The following FAM124A variants were observed in gnomAD, a reference collection of about 807,000 sequenced individuals.
The protein encoded by FAM124A is family with sequence similarity 124 member A.
Under a neutral mutation model 24.5 loss-of-function variants are expected in FAM124A, and 23 were observed. The ratio of observed to expected loss-of-function variants is 0.94; its 90% confidence interval spans 0.68 to 1.33. FAM124A has a LOEUF of 1.33. FAM124A is among the 40% of genes most tolerant of loss of function. The probability of loss-of-function intolerance (pLI) is 0.00; values close to 1 mark genes in which losing one functional copy is unlikely to be tolerated. For synonymous variants in FAM124A, 287 were observed against 314.7 expected (o/e 0.91, Z 0.93); for missense variants, 623 against 722.8 (o/e 0.86, Z 1.58).
Position 51,251,568 on chromosome 13 carries a change from C to A in FAM124A, c.201C>A (p.Asn67Lys). 1 of 1,539,190 alleles carries A rather than the reference C, an allele frequency of 6.5e-7. No homozygotes were observed. The highest frequency in any genetic ancestry group is 8.8e-7 in the Non-Finnish European group (1 of 1,141,466). ...ESQPLQEAID[N>K]VLAWIHPDLP... ...AGCCCCTGCAGGAGGCCATCGACAACGTCCTGGCGTGGATCCACCCCGACC... is the reference window on the plus strand; with the variant it reads ...AGCCCCTGCAGGAGGCCATCGACAAAGTCCTGGCGTGGATCCACCCCGACC... Residue 67 changes from asparagine to lysine, a missense_variant, in exon 3 of 4, where the codon AAC (asparagine) becomes AAA (lysine). By Grantham distance (94) the Asn-to-Lys change is moderately conservative. Transcript: ENST00000322475. This position sits in a 1 kb window ranked among gnomAD's most constrained non-coding sequence, Gnocchi z 5.3.
intron 3 of FAM124A, among the ~76,000 whole-genome samples, chr13:51,268,604 A>C (rs1176785588): frequency 6.6e-6 from 1 of 152,166 alleles, no homozygotes; most frequent in East Asian, 1.9e-4. Flanking sequence ...AACAGGTGCA[A>C]CTGGGACCTC....
In FAM124A at chr13:51,280,665, C is replaced by G. The variant is rs1297124053; in HGVS notation, c.1050C>G (p.Thr350=). The G allele has an allele frequency of 1.4e-5, 22 of 1,614,020 alleles. No homozygotes were observed. Among genetic ancestry groups the G allele is most frequent in the Non-Finnish European group, 1.8e-5 (21 of 1,180,040 alleles). Residue 350 remains threonine (T), a synonymous_variant, in exon 4 of 4, where the codon ACC becomes ACG. Coordinates refer to ENST00000322475, the MANE Select transcript of FAM124A (RefSeq NM_001242312.2). The part of the protein sequence containing the change: ...QQEFAGRANS[T]PNPPWSFQRS... ...AATTTGCCGGACGAGCCAACAGCAC[C>G]CCCAACCCTCCCTGGTCTTTCCAGA...
chr13:51,241,989 T>C (rs1954500939), intron 2 of FAM124A, among the ~76,000 whole-genome samples: 1 of 152,218 alleles, frequency 6.6e-6, no homozygotes, highest in Non-Finnish European at 1.5e-5. Flanking sequence ...TTGTAAGGAT[T>C]CCTCCCACGA....
intron 1 of FAM124A, 42 bp from the exon 2 acceptor site, chr13:51,231,306 T>C (rs775184620): frequency 3.1e-6 from 5 of 1,612,334 alleles, no homozygotes; most frequent in Non-Finnish European, 4.2e-6. Flanking sequence ...AATAAATCAT[T>C]TGGATAAAGA....
chr13:51,249,034 G>C (rs1034980913), intron 2 of FAM124A, among the ~76,000 whole-genome samples: 7 of 152,158 alleles, frequency 4.6e-5, no homozygotes, highest in African/African-American at 1.7e-4. Flanking sequence ...ATACAGCTTG[G>C]TTCTAATCCA....
In FAM124A at chr13:51,258,186, T is replaced by C. The variant is rs1013267678; in HGVS notation, c.834+5985T>C. On this transcript the variant is annotated intron_variant, in intron 3 of 3. Transcript: ENST00000322475. The surrounding 1 kb of genome is among the most constrained non-coding windows in gnomAD (Gnocchi z 4.2). ...TTTCCCTTTATGTAAGGACACCAGT[T>C]CTATTGTATTAGGGGCTCACCTTTC... is the stretch of plus-strand genomic sequence containing the variant. Among the ~76,000 whole-genome samples the C allele has an allele frequency of 6.6e-6, 1 of 152,220 alleles. No individual in the cohort carries two copies.
intron 1 of FAM124A, among the ~76,000 whole-genome samples, chr13:51,228,129 T>A (rs1240780397): frequency 6.6e-6 from 1 of 152,192 alleles, no homozygotes; most frequent in Non-Finnish European, 1.5e-5. Context: ...AACATCAAGA[T>A]CAATTTTACA....
At chr13:51,269,549 A>C (rs1235876863) in intron 3 of FAM124A, among the ~76,000 whole-genome samples, 2 of 152,230 alleles carry the variant, frequency 1.3e-5, no homozygotes, top group Non-Finnish European at 2.9e-5. Flanking sequence ...AGAGTTACTT[A>C]AGTACTTTAA....
chr13:51,282,286 T>C lies in FAM124A; in HGVS notation c.*1030T>C, dbSNP rs1262140804. 1.3e-5 allele frequency: 2 copies of C among 152,244 alleles called. No individual in the cohort carries two copies. The highest frequency in any genetic ancestry group is 2.4e-5 in the African/African-American group (1 of 41,454). 9.4% of individuals were successfully genotyped at this position (152,244 alleles called of 1,614,324 possible). On this transcript the variant is annotated 3_prime_UTR_variant, in exon 4 of 4. Transcript: ENST00000322475. ...GCATTTTGATCACACAGATTAATAA[T>C]GCTGTTCTCCCCAAAACGGGAAACT...
In FAM124A at chr13:51,264,713, A is replaced by G. The variant is rs373353000; in HGVS notation, c.834+12512A>G. 6.6e-5 allele frequency among the ~76,000 whole-genome samples: 10 copies of G among 152,092 alleles called. No individual in the cohort carries two copies. In the East Asian group the frequency reaches 1.7e-3, roughly 26 times the overall value. On this transcript the variant is annotated intron_variant, in intron 3 of 3. Transcript: ENST00000322475. ...ATTTATTTATTTGAAATTCTAGTTTATGGATTTTATGGATTCATAATAGCT... is the reference window on the plus strand; with the variant it reads ...ATTTATTTATTTGAAATTCTAGTTTGTGGATTTTATGGATTCATAATAGCT...
At chr13:51,226,768 G>A (rs1954319705) in intron 1 of FAM124A, among the ~76,000 whole-genome samples, 2 of 152,194 alleles carry the variant, frequency 1.3e-5, no homozygotes, top group African/African-American at 4.8e-5. Flanking sequence ...CCCACTGCCA[G>A]TGGCCATGTT....
intron 2 of FAM124A, among the ~76,000 whole-genome samples, chr13:51,232,461 T>C (rs1233031171): frequency 2.0e-5 from 3 of 152,246 alleles, no homozygotes; most frequent in Admixed American, 1.3e-4. Flanking sequence ...TTATTCTATT[T>C]ATTGATGTTC....
chr13:51,253,769 C>A (rs1347632243), intron 3 of FAM124A, among the ~76,000 whole-genome samples: 1 of 152,148 alleles, frequency 6.6e-6, no homozygotes, highest in Non-Finnish European at 1.5e-5. Flanking sequence ...CAAGGAAGAT[C>A]CACATATTTA....
Position 51,281,587 on chromosome 13 carries a change from C to A in FAM124A, c.*331C>A, listed in dbSNP as rs188118624. ...TGAAATGAAAAGAAAACCTAGTCAG[C>A]CAGAACCAATTTGGCAATTTTTCCA... is the stretch of plus-strand genomic sequence containing the variant. On this transcript the variant is annotated 3_prime_UTR_variant, in exon 4 of 4. Coordinates refer to ENST00000322475, the MANE Select transcript of FAM124A (RefSeq NM_001242312.2). 2.5e-4 allele frequency: 49 copies of A among 194,212 alleles called. No individual in the cohort carries two copies. The highest frequency in any genetic ancestry group is 1.1e-3 in the African/African-American group (49 of 42,896). The allele number at this position is 194,212 out of a possible 1,614,324, so 12.0% of individuals were successfully genotyped here.
rs1954955494 is a variant in FAM124A, at chr13:51,283,067, G to C, written c.*1811G>C. On this transcript the variant is annotated 3_prime_UTR_variant, in exon 4 of 4. Transcript: ENST00000322475. The stretch of plus-strand genomic sequence containing the variant: ...TTTATTTTTTTTTTATTTGAGACGG[G>C]GTCTTGCTCTGTTGCCCAGGCTGGA... The C allele has an allele frequency of 6.6e-6, 1 of 151,866 alleles. No individual in the cohort carries two copies. The highest frequency in any genetic ancestry group is 6.6e-5 in the Admixed American group (1 of 15,240). The allele number at this position is 151,866 out of a possible 1,614,324, so 9.4% of individuals were successfully genotyped here.
Position 51,271,356 on chromosome 13 carries a change from A to C in FAM124A, c.835-9094A>C, listed in dbSNP as rs547499350. Among the ~76,000 whole-genome samples the C allele has an allele frequency of 4.6e-5, 7 of 152,304 alleles. No individual in the cohort carries two copies. The South Asian group carries it at 1.5e-3, about 32-fold the overall frequency. On this transcript the variant is annotated intron_variant, in intron 3 of 3. Coordinates refer to ENST00000322475, the MANE Select transcript of FAM124A (RefSeq NM_001242312.2). ...GAGTTTAGTTCACATAGAGTAAAAA[A>C]AGGCATTTTTTAAGTTTTGAAGAGT...
chr13:51,251,880 C>T lies in FAM124A; in HGVS notation c.513C>T (p.Ile171=), dbSNP rs2137679064. Reference sequence around the variant, plus strand: ...GGCCCGTGCACTACGGCAAGGAAATCGTGCGCTTCACCGTCTACTGTCGCT... The same window carrying T: ...GGCCCGTGCACTACGGCAAGGAAATTGTGCGCTTCACCGTCTACTGTCGCT... ...AIRPVHYGKE[I]VRFTVYCRYD... is the part of the protein sequence containing the mutation. The change falls in exon 3 of 4, where the codon ATC becomes ATT. Residue 171 remains isoleucine (I), a synonymous_variant. Transcript: ENST00000322475. This position sits in a 1 kb window ranked among gnomAD's most constrained non-coding sequence, Gnocchi z 5.3. 1.9e-6 allele frequency: 3 copies of T among 1,613,958 alleles called. No individual in the cohort carries two copies. The highest frequency in any genetic ancestry group is 2.5e-6 in the Non-Finnish European group (3 of 1,179,988).
intron 2 of FAM124A, among the ~76,000 whole-genome samples, chr13:51,235,176 C>A (rs1054056086): frequency 3.9e-5 from 6 of 151,954 alleles, no homozygotes; most frequent in African/African-American, 1.5e-4. Flanking sequence ...TCAATGTTTT[C>A]TGAAAGGCTA....
intron 2 of FAM124A, among the ~76,000 whole-genome samples, chr13:51,239,177 G>C (rs1277016616): frequency 1.3e-5 from 2 of 152,158 alleles, no homozygotes; most frequent in Non-Finnish European, 2.9e-5. Flanking sequence ...TCCTTACCTT[G>C]ATGTGCCTGG....
Sources: gnomAD v4.1 joint callset for allele counts (sites outside exome capture counted in the v4.1 genomes callset) on GRCh38, gnomAD v4.1.1 for gene constraint, Gnocchi (gnomAD v3.1) non-coding constraint, MANE v1.5 for transcripts, NCBI Gene and HGNC (gene_info 2026-07-23, HGNC 2026-07-21) for gene names.